Variants in MAST3 observed in about 807,000 individuals in gnomAD.
MAST3 encodes microtubule associated serine/threonine kinase 3, also known as microtubule-associated serine/threonine-protein kinase 3.
MAST3 carries 43 observed loss-of-function variants against 127.0 expected under a neutral mutation model. The observed-to-expected ratio is 0.34, with a 90% CI of 0.27 to 0.44. The LOEUF is 0.44. Ranked by LOEUF, MAST3 falls within the 20% of genes least tolerant of loss-of-function variation. The pLI is 1.00. For synonymous variants in MAST3, 785 were observed against 809.2 expected (o/e 0.97, Z 0.51); for missense variants, 1,390 against 1,919.1 (o/e 0.72, Z 5.15).
At chr19:18,128,999 G>A in intron 13 of MAST3, 48 bp downstream of exon 13, 2 of 1,524,480 alleles carry the variant, frequency 1.3e-6, no homozygotes, top group Non-Finnish European at 9.1e-7. Context: ...TGCCTGAGGG[G>A]ATGGTTGAGG....
Position 18,110,863 on chromosome 19 carries a change from C to A in MAST3, c.161+122C>A. ...AGGTTGGTGACATCACCTCTCTGGG[C>A]CTCAGTTTACCCCTCCACATAATGG... On this transcript the variant is annotated intron_variant, in intron 3 of 27. Transcript: ENST00000687212. This position sits in a 1 kb window ranked among gnomAD's most constrained non-coding sequence, Gnocchi z 4.3. The A allele has an allele frequency of 8.0e-6, 2 of 250,502 alleles. No homozygotes were observed. Among genetic ancestry groups the A allele is most frequent in the Non-Finnish European group, 1.3e-5 (2 of 157,874 alleles). The allele number at this position is 250,502 out of a possible 1,614,324, so 15.5% of individuals were successfully genotyped here. A position where few individuals can be genotyped will look rare whatever the true frequency, so the allele number is the denominator to read the frequency against.
chr19:18,105,633 A>G (rs923669073), intron 1 of MAST3, among the ~76,000 whole-genome samples: 1 of 151,724 alleles, frequency 6.6e-6, no homozygotes, highest in Non-Finnish European at 1.5e-5. Flanking sequence ...AGATTGTGTC[A>G]TTGCACTCCA....
rs1382203978 is a variant in MAST3 at position 18,110,736 on chromosome 19, C to A, written c.156C>A (p.Pro52=). 2 of 985,776 alleles carry A rather than the reference C, an allele frequency of 2.0e-6. No individual in the cohort carries two copies. The highest frequency in any genetic ancestry group is 2.3e-4 in the East Asian group (2 of 8,800). 61.1% of individuals were successfully genotyped at this position (985,776 alleles called of 1,614,324 possible). A position where few individuals can be genotyped will look rare whatever the true frequency, so the allele number is the denominator to read the frequency against. ...SPCSPSLGLH[P]WSCRSGNRKS... ...GTAGCCCCTCCTTGGGCCTGCACCC[C>A]TGGAGGTAAGTGACAGCGCGTGTGG... is the stretch of plus-strand genomic sequence containing the variant. The change falls in exon 3 of 28, where the codon CCC becomes CCA. Residue 52 remains proline, a synonymous_variant. Transcript: ENST00000687212. The surrounding 1 kb of genome is among the most constrained non-coding windows in gnomAD (Gnocchi z 4.3).
intron 3 of MAST3, among the ~76,000 whole-genome samples, chr19:18,113,883 C>T (rs868214097): frequency 1.3e-5 from 2 of 152,380 alleles, no homozygotes; most frequent in South Asian, 4.1e-4. Context: ...CTGGCATGAG[C>T]CATTGTGCCT....
At chr19:18,135,699 T>TCTCCCTCCCTCCCTCATTTTAC in intron 17 of MAST3, 41 bp from the exon 18 acceptor site, 1 of 1,480,610 alleles carries the variant, frequency 6.8e-7, no homozygotes, top group Non-Finnish European at 9.3e-7. Context: ...TACCCTGCCT[T>TCTCCCTCCCTCCCTCATTTTAC]CTCCCTCCCT....
rs2043499359 is a variant in MAST3 at position 18,151,213 on chromosome 19, C to CTAAT, written c.*1488_*1491dup. The CTAAT allele has an allele frequency of 6.6e-6, 1 of 152,228 alleles. No individual in the cohort carries two copies. The highest frequency in any genetic ancestry group is 2.4e-5 in the African/African-American group (1 of 41,444). The allele number at this position is 152,228 out of a possible 1,614,324, so 9.4% of individuals were successfully genotyped here. On this transcript the variant is annotated 3_prime_UTR_variant, in exon 28 of 28. Coordinates refer to ENST00000687212, the MANE Select transcript of MAST3 (RefSeq NM_001393504.1). ...CCTCAGTTTCCTTGTGTTTACAAGA[C>CTAAT]TAATCCCATTGACTGTTTATTAAGC... is the stretch of plus-strand genomic sequence containing the variant.
intron 21 of MAST3, among the ~76,000 whole-genome samples, chr19:18,143,179 G>A (rs1189873269): frequency 3.3e-5 from 5 of 151,882 alleles, no homozygotes; most frequent in African/African-American, 1.2e-4. Flanking sequence ...GCCCGCCCTG[G>A]TCTCGAACTC....
chr19:18,127,104 G>C (rs2040738222), intron 11 of MAST3, among the ~76,000 whole-genome samples: 1 of 150,438 alleles, frequency 6.6e-6, no homozygotes, highest in South Asian at 2.1e-4. Flanking sequence ...TTAAAAATTA[G>C]CCAGGCGTGG....
Position 18,134,569 on chromosome 19 carries a change from C to A in MAST3, c.1572-10C>A, listed in dbSNP as rs371611625. On this transcript the variant is annotated splice_polypyrimidine_tract_variant and intron_variant, in intron 15 of 27. Transcript: ENST00000687212. Reference sequence around the variant, plus strand: ...CCCCAGCTCTGAGCACACTCCTAACCTGCCCACAGTCTGCTCATCACCTCG... The same window carrying A: ...CCCCAGCTCTGAGCACACTCCTAACATGCCCACAGTCTGCTCATCACCTCG... 6.2e-7 allele frequency: 1 copy of A among 1,608,518 alleles called. No homozygotes were observed. Among genetic ancestry groups the A allele is most frequent in the East Asian group, 2.2e-5 (1 of 44,718 alleles).
In MAST3 at chr19:18,149,600, C is replaced by T. The variant is rs574162186; in HGVS notation, c.3918C>T (p.Ala1306=). ...ERRDSFKKQE[A]VQEVSFDEPQ... ...GAGACTCCTTCAAGAAGCAGGAGGCCGTGCAGGAGGTTAGCTTCGATGAGC... is the reference window on the plus strand; with the variant it reads ...GAGACTCCTTCAAGAAGCAGGAGGCTGTGCAGGAGGTTAGCTTCGATGAGC... Residue 1306 remains alanine (A), a synonymous_variant, in exon 28 of 28, where the codon GCC becomes GCT. Transcript: ENST00000687212. The surrounding 1 kb of genome is among the most constrained non-coding windows in gnomAD (Gnocchi z 5.9). The T allele has an allele frequency of 1.2e-6, 2 of 1,611,910 alleles. No individual in the cohort carries two copies. The highest frequency in any genetic ancestry group is 1.3e-5 in the African/African-American group (1 of 75,036).
intron 1 of MAST3, among the ~76,000 whole-genome samples, chr19:18,107,063 G>A (rs4808114): frequency 0.24 from 32,874 of 138,712 alleles, 3,680 homozygotes; most frequent in Non-Finnish European, 0.26. Flanking sequence ...TGATCCATCC[G>A]CCTTGGCCTC....
intron 20 of MAST3, among the ~76,000 whole-genome samples, chr19:18,140,836 C>G (rs12460262): frequency 0.11 from 16,753 of 152,150 alleles, 1,161 homozygotes; most frequent in Admixed American, 0.15. Context: ...CTCTGTTGCC[C>G]AGGCTGGAGT....
intron 5 of MAST3, among the ~76,000 whole-genome samples, chr19:18,122,279 C>T (rs972292135): frequency 8.5e-5 from 13 of 152,188 alleles, no homozygotes; most frequent in Admixed American, 7.2e-4. Flanking sequence ...TTTATTTATT[C>T]ATACAACAAC....
Position 18,145,689 on chromosome 19 carries a change from G to T in MAST3, c.3040-54G>T, listed in dbSNP as rs2042949245. The T allele has an allele frequency of 1.3e-6, 2 of 1,504,548 alleles. No individual in the cohort carries two copies. Among genetic ancestry groups the T allele is most frequent in the African/African-American group, 1.4e-5 (1 of 70,026 alleles). 93.2% of individuals were successfully genotyped at this position (1,504,548 alleles called of 1,614,324 possible). ...CACAGCAGACCCAGCCTGGGCTGGGGTCCCCAGATGTGGGGCCCAGGCCAT... is the reference window on the plus strand; with the variant it reads ...CACAGCAGACCCAGCCTGGGCTGGGTTCCCCAGATGTGGGGCCCAGGCCAT... On this transcript the variant is annotated intron_variant, in intron 24 of 27. Coordinates refer to ENST00000687212, the MANE Select transcript of MAST3 (RefSeq NM_001393504.1). This position sits in a 1 kb window ranked among gnomAD's most constrained non-coding sequence, Gnocchi z 5.9.
At chr19:18,099,931 G>C (rs1218912606) in intron 1 of MAST3, among the ~76,000 whole-genome samples, 7 of 152,170 alleles carry the variant, frequency 4.6e-5, no homozygotes, top group Non-Finnish European at 8.8e-5. Flanking sequence ...AGGTGCTGGA[G>C]CAGGAGAGGA....
Position 18,151,456 on chromosome 19 carries a change from G to A in MAST3, c.*1730G>A, listed in dbSNP as rs1012685096. On this transcript the variant is annotated 3_prime_UTR_variant, in exon 28 of 28. Coordinates refer to ENST00000687212, the MANE Select transcript of MAST3 (RefSeq NM_001393504.1). ...GTCATCAAGGGAGCTTGAATGGAGG[G>A]TCTGGTGTCAGATACAGCCGACTCC... 3 of 152,186 alleles carry A rather than the reference G, an allele frequency of 2.0e-5. No individual in the cohort carries two copies. The highest frequency in any genetic ancestry group is 4.4e-5 in the Non-Finnish European group (3 of 68,040). 9.4% of individuals were successfully genotyped at this position (152,186 alleles called of 1,614,324 possible).
At chr19:18,106,762 G>A (rs2038100106) in intron 1 of MAST3, among the ~76,000 whole-genome samples, 1 of 150,892 alleles carries the variant, frequency 6.6e-6, no homozygotes, top group Non-Finnish European at 1.5e-5. Context: ...GTAGAGATGG[G>A]GTTTCACCAT....
At chr19:18,118,047 C>T in intron 3 of MAST3, 1 of 951,578 alleles carries the variant, frequency 1.1e-6, no homozygotes, top group Non-Finnish European at 1.3e-6. Flanking sequence ...GCCCCCCCAT[C>T]CCCGCAGCCC....
chr19:18,121,314 A>G (rs888061389), intron 3 of MAST3, among the ~76,000 whole-genome samples: 2 of 151,620 alleles, frequency 1.3e-5, no homozygotes, highest in Admixed American at 1.3e-4. Context: ...GCACCACCAC[A>G]CCCAGCTAAT....
Sources: allele counts gnomAD v4.1 joint callset (sites outside exome capture counted in the v4.1 genomes callset), GRCh38; gene constraint gnomAD v4.1.1; non-coding constraint Gnocchi (gnomAD v3.1); transcripts MANE v1.5; gene names NCBI Gene and HGNC (gene_info 2026-07-23, HGNC 2026-07-21).